The following EIF2AK3 variants were observed in gnomAD, a reference collection of about 807,000 sequenced individuals.
EIF2AK3 encodes eukaryotic translation initiation factor 2-alpha kinase 3.
In EIF2AK3, 50 loss-of-function variants were observed where a neutral mutation model predicts 113.5. The observed-to-expected ratio is 0.44, with a 90% CI of 0.35 to 0.56. EIF2AK3 has a LOEUF of 0.56. EIF2AK3 is among the 20% of genes least tolerant of loss of function. The pLI is 0.00. For synonymous variants in EIF2AK3, 448 were observed against 495.4 expected, an observed-to-expected ratio of 0.90 and a Z score of 1.27; for missense variants, 1,185 against 1,378.0, an observed-to-expected ratio of 0.86 and a Z score of 2.22.
At chr2:88,609,179 C>A (rs1370260385) in intron 2 of EIF2AK3, among the ~76,000 whole-genome samples, 1 of 152,118 alleles carries the variant, frequency 6.6e-6, no homozygotes, top group East Asian at 1.9e-4. Flanking sequence ...ACAATACAGT[C>A]TTCTCTCCTT....
Position 88,574,726 on chromosome 2 carries a change from C to T in EIF2AK3, c.2757G>A (p.Leu919=), listed in dbSNP as rs762134017. ...GAAACTCCACTGCCTCTGCGATCTG[C>T]AGGAAGATGTGCAGACACACGCTCC... ...RERSVCLHIF[L]QIAEAVEFLH... is the part of the protein sequence containing the mutation. The change falls in exon 13 of 17, where the codon CTG becomes CTA. Residue 919 remains leucine, a synonymous_variant. Coordinates refer to ENST00000303236, the MANE Select transcript of EIF2AK3 (RefSeq NM_004836.7). The T allele has an allele frequency of 1.2e-6, 2 of 1,614,186 alleles. No homozygotes were observed. The highest frequency in any genetic ancestry group is 1.7e-6 in the Non-Finnish European group (2 of 1,180,034).
chr2:88,576,064 T>C (rs1674449787), intron 12 of EIF2AK3, among the ~76,000 whole-genome samples: 1 of 152,216 alleles, frequency 6.6e-6, no homozygotes, highest in South Asian at 2.1e-4. Flanking sequence ...TAACTGCAAA[T>C]AGTTCAAAAC....
chr2:88,565,038 GTTTT>G (rs778449349), intron 14 of EIF2AK3, among the ~76,000 whole-genome samples: 1 of 140,060 alleles, frequency 7.1e-6, no homozygotes, highest in Non-Finnish European at 1.6e-5. Context: ...TTAAAAAGGT[GTTTT>G]TTTTTTTTTT....
chr2:88,581,370 C>T (rs535980298), intron 10 of EIF2AK3, among the ~76,000 whole-genome samples: 10 of 152,072 alleles, frequency 6.6e-5, no homozygotes, highest in Admixed American at 5.2e-4. Flanking sequence ...ATTCTACTCC[C>T]CAAACCTCAT....
At chr2:88,583,784 T>C (rs897637983) in intron 9 of EIF2AK3, among the ~76,000 whole-genome samples, 1 of 152,166 alleles carries the variant, frequency 6.6e-6, no homozygotes, top group Non-Finnish European at 1.5e-5. Flanking sequence ...GTATGTCATA[T>C]GTACAGCATG....
intron 3 of EIF2AK3, among the ~76,000 whole-genome samples, chr2:88,595,146 G>A (rs1411440434): frequency 2.0e-5 from 3 of 149,190 alleles, no homozygotes; most frequent in Admixed American, 6.7e-5. Context: ...GTGGAATGGG[G>A]TGGGGGTGGG....
Position 88,557,934 on chromosome 2 carries a change from G to A in EIF2AK3, c.3153C>T (p.Tyr1051=), listed in dbSNP as rs56120877. The A allele has an allele frequency of 1.5e-4, 244 of 1,613,682 alleles. 2 individuals are homozygous for A. In the African/African-American group the frequency reaches 2.7e-3, roughly 18 times the overall value. Residue 1051 remains tyrosine, a splice_region_variant and synonymous_variant, in exon 17 of 17, where the codon TAC becomes TAT. Transcript: ENST00000303236. ...PLFTQKYPCE[Y]VMVQDMLSPS... ...GAGAGAGCATGTCTTGAACCATCAC[G>A]TACTGAAAATATAAAAATTGTTTTG...
chr2:88,597,124 G>A (rs905662299), intron 2 of EIF2AK3, among the ~76,000 whole-genome samples: 10 of 152,138 alleles, frequency 6.6e-5, no homozygotes, highest in African/African-American at 1.7e-4. Flanking sequence ...TTGAAAACTC[G>A]CATACAGTAA....
chr2:88,579,210 T>C (rs1365463165), intron 11 of EIF2AK3, among the ~76,000 whole-genome samples: 1 of 152,228 alleles, frequency 6.6e-6, no homozygotes, highest in Non-Finnish European at 1.5e-5. Context: ...CTTTTCCTTA[T>C]TTATACAAAA....
At chr2:88,569,649 G>A (rs1674236348) in intron 14 of EIF2AK3, among the ~76,000 whole-genome samples, 1 of 152,138 alleles carries the variant, frequency 6.6e-6, no homozygotes, top group Non-Finnish European at 1.5e-5. Context: ...AATGACTAAT[G>A]CACAATGTAA....
In EIF2AK3 at chr2:88,583,094, G is replaced by A. The variant is rs376776090; in HGVS notation, c.1763+336C>T. 6.4e-4 allele frequency among the ~76,000 whole-genome samples: 98 copies of A among 152,058 alleles called. 1 individual carries two copies. Among genetic ancestry groups the A allele is most frequent in the East Asian group, 3.5e-3 (18 of 5,172 alleles). On this transcript the variant is annotated intron_variant, in intron 10 of 16. Transcript: ENST00000303236. ...AATAATGAAAATAAATGAGGATTCCGAAACGTGGAGACTCATATCACACTC... is the reference window on the plus strand; with the variant it reads ...AATAATGAAAATAAATGAGGATTCCAAAACGTGGAGACTCATATCACACTC...
At position 88,596,242 on chromosome 2, in the gene EIF2AK3, G is replaced by A. The variant is rs141281507; in HGVS notation, c.439-579C>T. 2.9e-3 allele frequency among the ~76,000 whole-genome samples: 443 copies of A among 152,182 alleles called. 1 individual carries two copies. Among genetic ancestry groups the A allele is most frequent in the Admixed American group, 4.5e-3 (69 of 15,280 alleles). On this transcript the variant is annotated intron_variant, in intron 2 of 16. Transcript: ENST00000303236. ...ATTTGCTTTCTCAAATCTGCAATGA[G>A]ATAGAAGCCTAGTAAGTAAGCTTAC... is the stretch of plus-strand genomic sequence containing the variant.
At chr2:88,572,274 C>G (rs1674332576) in intron 13 of EIF2AK3, among the ~76,000 whole-genome samples, 1 of 152,160 alleles carries the variant, frequency 6.6e-6, no homozygotes, top group Non-Finnish European at 1.5e-5. Flanking sequence ...TTTACTGAAC[C>G]CTATAATAGA....
In EIF2AK3 at chr2:88,557,575, G is replaced by T. The variant is rs930120563; in HGVS notation, c.*161C>A. The T allele has an allele frequency of 1.3e-6, 1 of 751,494 alleles. No homozygotes were observed. Among genetic ancestry groups the T allele is most frequent in the Non-Finnish European group, 2.3e-6 (1 of 436,296 alleles). The allele number at this position is 751,494 out of a possible 1,614,324, so 46.6% of individuals were successfully genotyped here. A position where few individuals can be genotyped will look rare whatever the true frequency, so the allele number is the denominator to read the frequency against. ...AAACTCAGGAGTTGGCTCAAATTAG[G>T]TTATGCCCCCAAATCCAGCTTAAAT... On this transcript the variant is annotated 3_prime_UTR_variant, in exon 17 of 17. Coordinates refer to ENST00000303236, the MANE Select transcript of EIF2AK3 (RefSeq NM_004836.7).
At chr2:88,593,853 CA>C (rs1376675330) in intron 3 of EIF2AK3, 1 of 992,180 alleles carries the variant, frequency 1.0e-6, no homozygotes, top group Non-Finnish European at 1.2e-6. Context: ...CTCAAATTTT[CA>C]CTAAAGAAAA....
chr2:88,580,134 T>G (rs1003215791), intron 10 of EIF2AK3, among the ~76,000 whole-genome samples: 1 of 152,198 alleles, frequency 6.6e-6, no homozygotes, highest in African/African-American at 2.4e-5. Context: ...AAAGCTGACA[T>G]GGGTTGGGTT....
intron 2 of EIF2AK3, among the ~76,000 whole-genome samples, chr2:88,596,739 T>C (rs1395646843): frequency 6.6e-6 from 1 of 152,242 alleles, no homozygotes; most frequent in East Asian, 1.9e-4. Context: ...AAGAGGTTAG[T>C]TGATAAGCAG....
intron 1 of EIF2AK3, 107 bp downstream of exon 1, chr2:88,626,860 C>T (rs1675874121): frequency 1.4e-6 from 2 of 1,445,794 alleles, no homozygotes; most frequent in Admixed American, 2.0e-5. Context: ...CCTCCGCAGC[C>T]GAGGGAAGAC....
intron 2 of EIF2AK3, among the ~76,000 whole-genome samples, chr2:88,603,634 A>G (rs1211991210): frequency 6.6e-6 from 1 of 152,230 alleles, no homozygotes; most frequent in African/African-American, 2.4e-5. Flanking sequence ...AAACAAATCT[A>G]TCATTGAAAC....
Sources: gnomAD v4.1 joint callset for allele counts (sites outside exome capture counted in the v4.1 genomes callset) on GRCh38, gnomAD v4.1.1 for gene constraint, MANE v1.5 for transcripts, NCBI Gene and HGNC (gene_info 2026-07-23, HGNC 2026-07-21) for gene names.